HTR1A: variants seen among roughly 807,000 people sequenced by gnomAD.
HTR1A encodes 5-HT1a receptor.
Under a neutral mutation model 24.6 loss-of-function variants are expected in HTR1A, and 17 were observed. That is an observed-to-expected ratio of 0.69 (90% confidence interval 0.47 to 1.04). The LOEUF is 1.04. HTR1A is among the 50% of genes least tolerant of loss of function. HTR1A has a pLI of 0.00. For missense variants in HTR1A, 515 were observed against 565.1 expected (o/e 0.91, Z 0.90); for synonymous variants, 262 against 244.6 (o/e 1.07, Z -0.67).
Position 63,960,492 on chromosome 5 carries a change from C to T in HTR1A, c.1228G>A (p.Ala410Thr), listed in dbSNP as rs199776808. Residue 410 changes from alanine (A) to threonine (T), a missense_variant, in exon 1 of 1, where the codon GCG becomes ACG. This residue lies in a region of HTR1A where 381 missense variants were observed against 384.5 expected (regional missense o/e 0.99). Coordinates refer to ENST00000323865, the MANE Select transcript of HTR1A (RefSeq NM_000524.4). ...TTACACTTAATGATCTTCTTAAACG[C>T]GTTTTGAAAGTCCTTGTTGAAGTAT... is the stretch of plus-strand genomic sequence containing the variant. ...YAYFNKDFQNAFKKIIKCKFC... is the reference protein window; with the variant it reads ...YAYFNKDFQNTFKKIIKCKFC... 6.2e-7 allele frequency: 1 copy of T among 1,614,066 alleles called. No individual in the cohort carries two copies. The highest frequency in any genetic ancestry group is 8.5e-7 in the Non-Finnish European group (1 of 1,180,032).
chr5:63,962,222 T>C lies in HTR1A; in HGVS notation c.-503A>G. On this transcript the variant is annotated 5_prime_UTR_variant, in exon 1 of 1. Coordinates refer to ENST00000323865, the MANE Select transcript of HTR1A (RefSeq NM_000524.4). The stretch of plus-strand genomic sequence containing the variant: ...TCTTCTCTCTCTTCTGCCTCTTTCG[T>C]CCCCCTTCTCCCCACCTGCCTTCCC... The C allele has an allele frequency of 5.2e-6, 1 of 191,764 alleles. No individual in the cohort carries two copies. 11.9% of individuals were successfully genotyped at this position (191,764 alleles called of 1,614,324 possible). A position where few individuals can be genotyped will look rare whatever the true frequency, so the allele number is the denominator to read the frequency against.
chr5:63,960,136 T>C lies in HTR1A; in HGVS notation c.*315A>G, dbSNP rs1449287508. 1.3e-5 allele frequency among the ~76,000 whole-genome samples: 2 copies of C among 152,128 alleles called. No individual in the cohort carries two copies. The highest frequency in any genetic ancestry group is 4.8e-5 in the African/African-American group (2 of 41,432). ...GCATTAAACATCCACCGCAAAGATTTAGGAGATAGAAGAGAGAAGAGGCAA... is the reference window on the plus strand; with the variant it reads ...GCATTAAACATCCACCGCAAAGATTCAGGAGATAGAAGAGAGAAGAGGCAA... On this transcript the variant is annotated 3_prime_UTR_variant, in exon 1 of 1. Coordinates refer to ENST00000323865, the MANE Select transcript of HTR1A (RefSeq NM_000524.4).
Position 63,960,933 on chromosome 5 carries a change from A to G in HTR1A, c.787T>C (p.Trp263Arg). Reference sequence around the variant, plus strand: ...GCCTTGCTCTCCACGCCCAGCCTCCAGTTCCTGCTCCCCGACTCTCCATTC... The same window carrying G: ...GCCTTGCTCTCCACGCCCAGCCTCCGGTTCCTGCTCCCCGACTCTCCATTC... ...SVNGESGSRN[W>R]RLGVESKAGG... Residue 263 changes from tryptophan to arginine, a missense_variant, in exon 1 of 1, where the codon TGG (tryptophan) becomes CGG (arginine). By Grantham distance (101) the Trp-to-Arg change is moderately radical. Coordinates refer to ENST00000323865, the MANE Select transcript of HTR1A (RefSeq NM_000524.4). The G allele has an allele frequency of 6.2e-7, 1 of 1,614,120 alleles. No homozygotes were observed. Among genetic ancestry groups the G allele is most frequent in the Non-Finnish European group, 8.5e-7 (1 of 1,179,986 alleles).
In HTR1A at chr5:63,960,793, G is replaced by T; in HGVS notation, c.927C>A (p.Ser309Arg). 1 of 1,614,098 alleles carries T rather than the reference G, an allele frequency of 6.2e-7. No homozygotes were observed. The highest frequency in any genetic ancestry group is 8.5e-7 in the Non-Finnish European group (1 of 1,179,962). The change falls in exon 1 of 1, where the codon AGC (serine) becomes AGA (arginine). Residue 309 changes from serine to arginine, a missense_variant. By Grantham distance (110) the Ser-to-Arg change is moderately radical. Coordinates refer to ENST00000323865, the MANE Select transcript of HTR1A (RefSeq NM_000524.4). ...GGGCACAAGGGGTAGGACCAGCCTCGCTGGGCAGAGGCAAGTGCTCTTTGG... is the reference window on the plus strand; with the variant it reads ...GGGCACAAGGGGTAGGACCAGCCTCTCTGGGCAGAGGCAAGTGCTCTTTGG... ...GNSKEHLPLP[S>R]EAGPTPCAPA...
chr5:63,962,009 C>T lies in HTR1A; in HGVS notation c.-290G>A, dbSNP rs958845272. 2 of 511,568 alleles carry T rather than the reference C, an allele frequency of 3.9e-6. No individual in the cohort carries two copies. The highest frequency in any genetic ancestry group is 3.2e-5 in the Admixed American group (1 of 30,982). The allele number at this position is 511,568 out of a possible 1,614,324, so 31.7% of individuals were successfully genotyped here. A position where few individuals can be genotyped will look rare whatever the true frequency, so the allele number is the denominator to read the frequency against. ...CCCGGCGGCGGAGAGGTGGCTGGAA[C>T]GTCTGTCTGTCGCTGTCCATTTTAC... On this transcript the variant is annotated 5_prime_UTR_variant, in exon 1 of 1. Coordinates refer to ENST00000323865, the MANE Select transcript of HTR1A (RefSeq NM_000524.4).
Position 63,961,429 on chromosome 5 carries a change from C to T in HTR1A, c.291G>A (p.Gln97=), listed in dbSNP as rs772043389. ...VLVLPMAALY[Q]VLNKWTLGQV... ...GGCCCAGTGTCCACTTGTTGAGCAC[C>T]TGATACAGCGCGGCCATGGGCAGCA... is the stretch of plus-strand genomic sequence containing the variant. Residue 97 remains glutamine, a synonymous_variant, in exon 1 of 1, where the codon CAG becomes CAA. Transcript: ENST00000323865. 1.9e-6 allele frequency: 3 copies of T among 1,613,916 alleles called. No individual in the cohort carries two copies. The highest frequency in any genetic ancestry group is 1.7e-5 in the Admixed American group (1 of 59,998).
At position 63,958,900 on chromosome 5, in the gene HTR1A, A is replaced by C. The variant is rs997942587; in HGVS notation, c.*1551T>G. Reference sequence around the variant, plus strand: ...ATCCCATAAAAGACTCAGCCTCCCCAGGAAGACCACCTCCTAACTAGTCCT... The same window carrying C: ...ATCCCATAAAAGACTCAGCCTCCCCCGGAAGACCACCTCCTAACTAGTCCT... On this transcript the variant is annotated 3_prime_UTR_variant, in exon 1 of 1. Coordinates refer to ENST00000323865, the MANE Select transcript of HTR1A (RefSeq NM_000524.4). 6.6e-6 allele frequency among the ~76,000 whole-genome samples: 1 copy of C among 152,174 alleles called. No homozygotes were observed. Among genetic ancestry groups the C allele is most frequent in the Non-Finnish European group, 1.5e-5 (1 of 67,994 alleles).
Position 63,960,831 on chromosome 5 carries a change from G to C in HTR1A, c.889C>G (p.Arg297Gly), listed in dbSNP as rs761956170. The C allele has an allele frequency of 1.9e-6, 3 of 1,614,018 alleles. No individual in the cohort carries two copies. The East Asian group carries it at 6.7e-5, about 36-fold the overall frequency. Residue 297 changes from arginine (R) to glycine (G), a missense_variant, in exon 1 of 1, where the codon CGA becomes GGA. Physicochemically the swap from Arg to Gly is moderately radical, Grantham distance 125. Around this residue, in one of 3 missense-constraint regions of HTR1A, gnomAD observed 381 missense variants for 384.5 expected, o/e 0.99. Coordinates refer to ENST00000323865, the MANE Select transcript of HTR1A (RefSeq NM_000524.4). ...GAALEVIEVH[R>G]VGNSKEHLPL... ...AAGTGCTCTTTGGAGTTGCCCACTC[G>C]GTGCACCTCGATCACCTCCAGGGCG...
rs201954577 is a variant in HTR1A, at chr5:63,961,265, C to A, written c.455G>T (p.Arg152Leu). Residue 152 changes from arginine to leucine, a missense_variant, in exon 1 of 1, where the codon CGC (arginine) becomes CTC (leucine). By Grantham distance (102) the Arg-to-Leu change is moderately radical. Transcript: ENST00000323865. Reference sequence around the variant, plus strand: ...AGTGAGCGAGATGAGCGCAGCGGCGCGCCGGGGCGTCCTCTTGTTCACGTA... The same window carrying A: ...AGTGAGCGAGATGAGCGCAGCGGCGAGCCGGGGCGTCCTCTTGTTCACGTA... Reference protein sequence around the residue: ...IDYVNKRTPRRAAALISLTWL... With the variant: ...IDYVNKRTPRLAAALISLTWL... 6.2e-7 allele frequency: 1 copy of A among 1,614,154 alleles called. No homozygotes were observed. The highest frequency in any genetic ancestry group is 8.5e-7 in the Non-Finnish European group (1 of 1,180,016).
rs767087151 is a variant in HTR1A at position 63,961,000 on chromosome 5, G to A, written c.720C>T (p.Thr240=). The A allele has an allele frequency of 3.1e-6, 5 of 1,614,016 alleles. No homozygotes were observed. Among genetic ancestry groups the A allele is most frequent in the Non-Finnish European group, 4.2e-6 (5 of 1,180,046 alleles). The change falls in exon 1 of 1, where the codon ACC becomes ACT. Residue 240 remains threonine (T), a synonymous_variant. Coordinates refer to ENST00000323865, the MANE Select transcript of HTR1A (RefSeq NM_000524.4). ...GCGGGGCGGGAGATGCTCCATGGCG[G>A]GTGTCCGCTCCGGTCTTCTCCACCT... is the stretch of plus-strand genomic sequence containing the variant. ...VKKVEKTGAD[T]RHGASPAPQP...
chr5:63,960,246 C>A lies in HTR1A; in HGVS notation c.*205G>T. The A allele has an allele frequency of 3.2e-6, 2 of 631,752 alleles. No homozygotes were observed. The highest frequency in any genetic ancestry group is 5.6e-6 in the Non-Finnish European group (2 of 355,544). 39.1% of individuals were successfully genotyped at this position (631,752 alleles called of 1,614,324 possible). ...CTCTCTGAATTTCCTGGGCTCTCAA[C>A]GCTCCTCCGCTGGGTCTCCTTTGCA... On this transcript the variant is annotated 3_prime_UTR_variant, in exon 1 of 1. Transcript: ENST00000323865.
chr5:63,960,528 C>T lies in HTR1A; in HGVS notation c.1192G>A (p.Val398Ile). The stretch of plus-strand genomic sequence containing the variant: ...TCCTTGTTGAAGTATGCGTAAATGA[C>T]GGGGTTAAGCAGAGAGTTGGAGTAG... ...LGYSNSLLNP[V>I]IYAYFNKDFQ... Residue 398 changes from valine (V) to isoleucine (I), a missense_variant, in exon 1 of 1, where the codon GTC becomes ATC. Around this residue, in one of 3 missense-constraint regions of HTR1A, gnomAD observed 381 missense variants for 384.5 expected, o/e 0.99. Coordinates refer to ENST00000323865, the MANE Select transcript of HTR1A (RefSeq NM_000524.4). The T allele has an allele frequency of 6.2e-7, 1 of 1,614,142 alleles. No homozygotes were observed. The highest frequency in any genetic ancestry group is 8.5e-7 in the Non-Finnish European group (1 of 1,180,034).
Position 63,961,777 on chromosome 5 carries a change from T to TCGC in HTR1A, c.-61_-59dup, listed in dbSNP as rs55750591. 10 of 1,569,726 alleles carry TCGC rather than the reference T, an allele frequency of 6.4e-6. No individual in the cohort carries two copies. The highest frequency in any genetic ancestry group is 8.8e-6 in the Non-Finnish European group (10 of 1,141,368). ...AGAAAAAGCAGCGCGAAGATTCGCC[T>TCGC]CGCCCCTTCCCCTGGGGTCTTCCGC... is the stretch of plus-strand genomic sequence containing the variant. On this transcript the variant is annotated 5_prime_UTR_variant, in exon 1 of 1. Coordinates refer to ENST00000323865, the MANE Select transcript of HTR1A (RefSeq NM_000524.4).
At position 63,959,058 on chromosome 5, in the gene HTR1A, G is replaced by A. The variant is rs1746368113; in HGVS notation, c.*1393C>T. On this transcript the variant is annotated 3_prime_UTR_variant, in exon 1 of 1. Coordinates refer to ENST00000323865, the MANE Select transcript of HTR1A (RefSeq NM_000524.4). ...GTTCTGCTAACTTTGTGTCTTGGAT[G>A]TCCTGTAAAGCAAATGCAGCGAGTG... Among the ~76,000 whole-genome samples the A allele has an allele frequency of 6.6e-6, 1 of 152,190 alleles. No individual in the cohort carries two copies. The highest frequency in any genetic ancestry group is 2.4e-5 in the African/African-American group (1 of 41,456).
Position 63,960,368 on chromosome 5 carries a change from A to G in HTR1A, c.*83T>C, listed in dbSNP as rs1051633837. 12 of 1,366,572 alleles carry G rather than the reference A, an allele frequency of 8.8e-6. No individual in the cohort carries two copies. The African/African-American group carries it at 1.4e-4, about 16-fold the overall frequency. The allele number at this position is 1,366,572 out of a possible 1,614,324, so 84.7% of individuals were successfully genotyped here. A position where few individuals can be genotyped will look rare whatever the true frequency, so the allele number is the denominator to read the frequency against. Reference sequence around the variant, plus strand: ...AAGAGGAGAAGTGGCGAATTATCTTAAGTGTTGATTCCCTAGGGTTGGGGG... The same window carrying G: ...AAGAGGAGAAGTGGCGAATTATCTTGAGTGTTGATTCCCTAGGGTTGGGGG... On this transcript the variant is annotated 3_prime_UTR_variant, in exon 1 of 1. Coordinates refer to ENST00000323865, the MANE Select transcript of HTR1A (RefSeq NM_000524.4).
Position 63,961,822 on chromosome 5 carries a change from G to C in HTR1A, c.-103C>G. 1 of 1,229,214 alleles carries C rather than the reference G, an allele frequency of 8.1e-7. No homozygotes were observed. Among genetic ancestry groups the C allele is most frequent in the Non-Finnish European group, 1.2e-6 (1 of 843,708 alleles). 76.1% of individuals were successfully genotyped at this position (1,229,214 alleles called of 1,614,324 possible). A position where few individuals can be genotyped will look rare whatever the true frequency, so the allele number is the denominator to read the frequency against. On this transcript the variant is annotated 5_prime_UTR_variant, in exon 1 of 1. Transcript: ENST00000323865. Reference sequence around the variant, plus strand: ...TTCCGCCCTTCTCCTGGGAAGTTTCGGAGGAAGGGAATGCAGAGACCCAAG... The same window carrying C: ...TTCCGCCCTTCTCCTGGGAAGTTTCCGAGGAAGGGAATGCAGAGACCCAAG...
At position 63,960,570 on chromosome 5, in the gene HTR1A, T is replaced by C. The variant is rs2111830544; in HGVS notation, c.1150A>G (p.Ile384Val). 1 of 1,614,194 alleles carries C rather than the reference T, an allele frequency of 6.2e-7. No homozygotes were observed. The highest frequency in any genetic ancestry group is 1.1e-5 in the South Asian group (1 of 91,084). ...TTGGAGTAGCCCAGCCAATTGATTATGGCGCCCAACAGGGTGGGCATGTGG... is the reference window on the plus strand; with the variant it reads ...TTGGAGTAGCCCAGCCAATTGATTACGGCGCCCAACAGGGTGGGCATGTGG... ...SCHMPTLLGA[I>V]INWLGYSNSL... Residue 384 changes from isoleucine to valine, a missense_variant, in exon 1 of 1, where the codon ATA becomes GTA. This residue lies in a region of HTR1A where 381 missense variants were observed against 384.5 expected (regional missense o/e 0.99). Transcript: ENST00000323865.
rs980683089 is a variant in HTR1A at position 63,959,276 on chromosome 5, T to C, written c.*1175A>G. 4.6e-5 allele frequency among the ~76,000 whole-genome samples: 7 copies of C among 152,354 alleles called. No homozygotes were observed. The highest frequency in any genetic ancestry group is 1.7e-4 in the African/African-American group (7 of 41,582). On this transcript the variant is annotated 3_prime_UTR_variant, in exon 1 of 1. Transcript: ENST00000323865. ...CCCTGCGTGTCGCCCCTTTAAAGCC[T>C]TCTTGGTCTCTCCAATCCCAAGAGT...
Position 63,960,374 on chromosome 5 carries a change from TG to T in HTR1A, c.*76del, listed in dbSNP as rs940381113. 7.0e-7 allele frequency: 1 copy of T among 1,430,516 alleles called. No individual in the cohort carries two copies. The highest frequency in any genetic ancestry group is 1.7e-5 in the Admixed American group (1 of 59,774). 88.6% of individuals were successfully genotyped at this position (1,430,516 alleles called of 1,614,324 possible). A position where few individuals can be genotyped will look rare whatever the true frequency, so the allele number is the denominator to read the frequency against. On this transcript the variant is annotated 3_prime_UTR_variant, in exon 1 of 1. Transcript: ENST00000323865. ...AGAAGTGGCGAATTATCTTAAGTGT[TG>T]ATTCCCTAGGGTTGGGGGAAGCATA...
Sources: gnomAD v4.1 joint callset for allele counts (sites outside exome capture counted in the v4.1 genomes callset) on GRCh38, gnomAD v4.1.1 for gene constraint, gnomAD v4.1.1 regional missense constraint, MANE v1.5 for transcripts, NCBI Gene and HGNC (gene_info 2026-07-23, HGNC 2026-07-21) for gene names.